The following MATN2 variants were observed in gnomAD, a reference collection of about 807,000 sequenced individuals.
MATN2 encodes the protein matrilin-2.
Under a neutral mutation model 103.2 loss-of-function variants are expected in MATN2, and 69 were observed. The ratio of observed to expected loss-of-function variants is 0.67; its 90% CI spans 0.55 to 0.82. MATN2 has a LOEUF of 0.82. MATN2 is among the 40% of genes least tolerant of loss of function. The pLI, the probability that MATN2 is intolerant of heterozygous loss-of-function variation, is 0.00. For missense variants in MATN2, 1,023 were observed against 1,211.5 expected (o/e 0.84, Z 2.31); for synonymous variants, 429 against 450.2 (o/e 0.95, Z 0.60).
Position 97,931,007 on chromosome 8 carries a change from G to C in MATN2, c.197G>C (p.Arg66Pro), listed in dbSNP as rs746126254. 1 of 1,613,750 alleles carries C rather than the reference G, an allele frequency of 6.2e-7. No individual in the cohort carries two copies. The highest frequency in any genetic ancestry group is 8.5e-7 in the Non-Finnish European group (1 of 1,179,780). The change falls in exon 3 of 19, where the codon CGC becomes CCC. Residue 66 changes from arginine (R) to proline (P), a missense_variant. By Grantham distance (103) the Arg-to-Pro change is moderately radical. Coordinates refer to ENST00000254898, the MANE Select transcript of MATN2 (RefSeq NM_002380.5). The surrounding 1 kb of genome is among the most constrained non-coding windows in gnomAD (Gnocchi z 4.1). ...ADLVFIIDSS[R>P]SVNTHDYAKV... ...CTGGTTTTCATCATTGACAGCTCTC[G>C]CAGTGTCAACACCCATGACTATGCA...
intron 6 of MATN2, among the ~76,000 whole-genome samples, chr8:97,984,066 AC>A (rs1812116637): frequency 6.6e-6 from 1 of 152,210 alleles, no homozygotes; most frequent in Admixed American, 6.5e-5. Context: ...GTAATATGCC[AC>A]TTTTGTGACT....
chr8:97,937,670 C>T (rs1396059287), intron 3 of MATN2, among the ~76,000 whole-genome samples: 1 of 143,340 alleles, frequency 7.0e-6, no homozygotes, highest in Non-Finnish European at 1.5e-5. Context: ...CTCACTGCAA[C>T]CTCTGCCTCC....
chr8:97,870,679 T>C (rs1055866059), intron 1 of MATN2, among the ~76,000 whole-genome samples: 1 of 152,172 alleles, frequency 6.6e-6, no homozygotes, highest in Non-Finnish European at 1.5e-5. Context: ...AGGCTCTCCA[T>C]GGGTACGTGA....
At chr8:98,008,660 T>C (rs2130392668) in intron 10 of MATN2, among the ~76,000 whole-genome samples, 1 of 152,274 alleles carries the variant, frequency 6.6e-6, no homozygotes, top group East Asian at 1.9e-4. Context: ...AGACTGCTGC[T>C]GCAGCCAGCT....
chr8:97,900,482 G>T (rs937879569), intron 2 of MATN2, among the ~76,000 whole-genome samples: 10 of 152,176 alleles, frequency 6.6e-5, no homozygotes, highest in African/African-American at 2.2e-4. Flanking sequence ...TTAAAGTCAG[G>T]GTGGACCATT....
At position 98,007,621 on chromosome 8, in the gene MATN2, G is replaced by C; in HGVS notation, c.1573+20G>C. ...GTGCAAGTAAGTGTCTGAAGGACAA[G>C]CAGGACCTGCACAGGTGTTCCGTGG... On this transcript the variant is annotated intron_variant, in intron 10 of 18. Transcript: ENST00000254898. This position sits in a 1 kb window ranked among gnomAD's most constrained non-coding sequence, Gnocchi z 4.2. 1 of 1,600,776 alleles carries C rather than the reference G, an allele frequency of 6.2e-7. No homozygotes were observed. Among genetic ancestry groups the C allele is most frequent in the Non-Finnish European group, 8.6e-7 (1 of 1,169,434 alleles).
At chr8:98,030,637 C>T in intron 15 of MATN2, 23 bp downstream of exon 15, 1 of 1,599,964 alleles carries the variant, frequency 6.3e-7, no homozygotes, top group Non-Finnish European at 8.5e-7. Flanking sequence ...ACGCCGAAGA[C>T]CTTAGCAAAC....
In MATN2 at chr8:97,921,526, G is replaced by C. The variant is rs1439017973; in HGVS notation, c.143-9427G>C. Among the ~76,000 whole-genome samples the C allele has an allele frequency of 2.0e-5, 3 of 152,158 alleles. No individual in the cohort carries two copies. In the East Asian group the frequency reaches 5.8e-4, roughly 29 times the overall value. The stretch of plus-strand genomic sequence containing the variant: ...ACAAGGACCATGGTGCCTTAATCAA[G>C]TGCCCTAAATGCAGGGGACTGCAGG... On this transcript the variant is annotated intron_variant, in intron 2 of 18. Transcript: ENST00000254898.
chr8:98,023,096 T>C (rs144251436), intron 13 of MATN2, among the ~76,000 whole-genome samples: 42 of 151,528 alleles, frequency 2.8e-4, no homozygotes, highest in African/African-American at 9.7e-4. Context: ...TCAAAATAAA[T>C]AAATAAATAA....
chr8:97,945,713 A>AT (rs1296035831), intron 4 of MATN2, among the ~76,000 whole-genome samples: 18 of 69,472 alleles, frequency 2.6e-4, no homozygotes, highest in South Asian at 7.4e-4. Flanking sequence ...TAGAAAAAAA[A>AT]AAAAATATAT....
chr8:98,018,692 G>A (rs1201535858), intron 12 of MATN2, among the ~76,000 whole-genome samples: 2 of 152,102 alleles, frequency 1.3e-5, no homozygotes, highest in Non-Finnish European at 2.9e-5. Context: ...AACTTGTGCA[G>A]GGAAACCCCC....
rs1812501803 is a variant in MATN2, at chr8:97,994,511, A to G, written c.1113A>G (p.Gly371=). The change falls in exon 7 of 19, where the codon GGA becomes GGG. Residue 371 remains glycine, a synonymous_variant. Coordinates refer to ENST00000254898, the MANE Select transcript of MATN2 (RefSeq NM_002380.5). ...ACTACTGTGCCTCATCTAATCACGG[A>G]TGTCAGCACGAGTGTGTTAACACAG... ...KIDYCASSNH[G]CQHECVNTDD... 6.2e-7 allele frequency: 1 copy of G among 1,612,956 alleles called. No individual in the cohort carries two copies. Among genetic ancestry groups the G allele is most frequent in the Admixed American group, 1.7e-5 (1 of 59,820 alleles).
intron 5 of MATN2, 113 bp from the exon 6 acceptor site, chr8:97,978,773 G>T (rs2130309623): frequency 9.8e-7 from 1 of 1,022,256 alleles, no homozygotes; most frequent in Non-Finnish European, 1.5e-6. Context: ...CTACTCTTTT[G>T]GGGGGCAATA....
intron 2 of MATN2, among the ~76,000 whole-genome samples, chr8:97,902,445 C>T (rs1298556888): frequency 2.7e-5 from 4 of 147,818 alleles, no homozygotes; most frequent in Admixed American, 1.4e-4. Context: ...TGCAGTGAGC[C>T]GAGATCGCAC....
At chr8:97,920,004 A>G (rs766469056) in intron 2 of MATN2, among the ~76,000 whole-genome samples, 9 of 152,188 alleles carry the variant, frequency 5.9e-5, no homozygotes, top group Non-Finnish European at 1.0e-4. Flanking sequence ...GGCGCTGTGT[A>G]GGGACTACAG....
rs1012433491 is a variant in MATN2 at position 98,033,305 on chromosome 8, A to AT, written c.2716+132dup. 1.9e-5 allele frequency: 17 copies of AT among 916,132 alleles called. No homozygotes were observed. The African/African-American group carries it at 2.7e-4, about 15-fold the overall frequency. The allele number at this position is 916,132 out of a possible 1,614,324, so 56.8% of individuals were successfully genotyped here. Reference sequence around the variant, plus strand: ...AGTATAGAGGAAAAGAGAAGAAAGAATTTAAGTAAAATGAGAACTAAAACA... The same window carrying AT: ...AGTATAGAGGAAAAGAGAAGAAAGAATTTTAAGTAAAATGAGAACTAAAACA... On this transcript the variant is annotated intron_variant, in intron 17 of 18. Transcript: ENST00000254898.
chr8:97,914,510 A>G (rs1311931472), intron 2 of MATN2, among the ~76,000 whole-genome samples: 1 of 151,350 alleles, frequency 6.6e-6, no homozygotes, highest in Non-Finnish European at 1.5e-5. Flanking sequence ...AGCGAGGACT[A>G]CAGGCCTGCA....
At chr8:98,010,235 T>C (rs1222606869) in intron 10 of MATN2, among the ~76,000 whole-genome samples, 1 of 151,930 alleles carries the variant, frequency 6.6e-6, no homozygotes, top group Non-Finnish European at 1.5e-5. Flanking sequence ...TAACCTCCTC[T>C]CCCACCTGAT....
In MATN2 at chr8:98,007,359, A is replaced by G. The variant is rs1416775794; in HGVS notation, c.1451-120A>G. ...TGCTCTGCTCCAGGAGATAGTGAGG[A>G]TGTCCACTGGGACTGCATGCCTTCG... On this transcript the variant is annotated intron_variant, in intron 9 of 18. Coordinates refer to ENST00000254898, the MANE Select transcript of MATN2 (RefSeq NM_002380.5). The surrounding 1 kb of genome is among the most constrained non-coding windows in gnomAD (Gnocchi z 4.2). 7.7e-6 allele frequency: 12 copies of G among 1,549,392 alleles called. No homozygotes were observed. The South Asian group carries it at 1.2e-4, about 15-fold the overall frequency.
Sources: allele counts gnomAD v4.1 joint callset (sites outside exome capture counted in the v4.1 genomes callset), GRCh38; gene constraint gnomAD v4.1.1; non-coding constraint Gnocchi (gnomAD v3.1); transcripts MANE v1.5; gene names NCBI Gene and HGNC (gene_info 2026-07-23, HGNC 2026-07-21).